Variants in MARCHF1 observed in about 807,000 individuals in gnomAD.
MARCHF1 encodes the protein membrane associated ring-CH-type finger 1.
Under a neutral mutation model 54.2 loss-of-function variants are expected in MARCHF1, and 40 were observed. That is an observed-to-expected ratio of 0.74 (90% CI 0.57 to 0.96). The LOEUF (loss-of-function observed/expected upper bound fraction) is 0.96, where lower values mean the gene tolerates loss of function less well. MARCHF1 is among the 40% of genes least tolerant of loss of function. MARCHF1 has a pLI of 0.00. For missense variants in MARCHF1, 586 were observed against 656.5 expected (o/e 0.89, Z 1.17); for synonymous variants, 236 against 236.3 (o/e 1.00, Z 0.01).
At chr4:164,062,739 G>T (rs1235651762) in intron 2 of MARCHF1, among the ~76,000 whole-genome samples, 1 of 152,114 alleles carries the variant, frequency 6.6e-6, no homozygotes, top group Non-Finnish European at 1.5e-5. Flanking sequence ...AGCCAGGCTA[G>T]TCTCCAACTT....
At chr4:164,274,676 T>C (rs1474119909) in intron 1 of MARCHF1, among the ~76,000 whole-genome samples, 18 of 123,050 alleles carry the variant, frequency 1.5e-4, no homozygotes, top group African/African-American at 4.4e-4. Context: ...TTTTTTTTTT[T>C]TTTTTTTTTT....
chr4:163,613,799 C>A (rs1741429134), intron 5 of MARCHF1, among the ~76,000 whole-genome samples: 1 of 152,064 alleles, frequency 6.6e-6, no homozygotes, highest in South Asian at 2.1e-4. Context: ...AATCAAACAG[C>A]CATTAGGTTG....
intron 2 of MARCHF1, among the ~76,000 whole-genome samples, chr4:164,019,752 C>A (rs937407859): frequency 6.6e-6 from 1 of 152,152 alleles, no homozygotes; most frequent in African/African-American, 2.4e-5. Context: ...ATTCATGTCA[C>A]AGGTGGAGAT....
At position 164,122,529 on chromosome 4, in the gene MARCHF1, G is replaced by T. The variant is rs577111186; in HGVS notation, c.-322-10867C>A. On this transcript the variant is annotated intron_variant, in intron 1 of 9. Transcript: ENST00000514618. ...GGAGGCCAGCCTTCCCGCATGCTATGTAAACATCATACCTGATAGAACCAA... is the reference window on the plus strand; with the variant it reads ...GGAGGCCAGCCTTCCCGCATGCTATTTAAACATCATACCTGATAGAACCAA... 2.6e-5 allele frequency among the ~76,000 whole-genome samples: 4 copies of T among 152,136 alleles called. No homozygotes were observed. In the South Asian group the frequency reaches 6.2e-4, roughly 24 times the overall value.
intron 1 of MARCHF1, among the ~76,000 whole-genome samples, chr4:164,196,163 G>A (rs1326842625): frequency 6.6e-6 from 1 of 152,096 alleles, no homozygotes; most frequent in East Asian, 1.9e-4. Context: ...AATGTACAAT[G>A]ATAGTTATTT....
chr4:164,096,364 T>A (rs574289998), intron 2 of MARCHF1, among the ~76,000 whole-genome samples: 3 of 152,134 alleles, frequency 2.0e-5, no homozygotes, highest in Admixed American at 1.3e-4. Flanking sequence ...AAGCTAAATC[T>A]TGGGTTCCTG....
At chr4:163,573,295 CTT>C (rs1307867516) in intron 8 of MARCHF1, among the ~76,000 whole-genome samples, 3 of 144,326 alleles carry the variant, frequency 2.1e-5, no homozygotes, top group Admixed American at 1.4e-4. Context: ...TGCTTTTTCT[CTT>C]ATTATTATTA....
chr4:163,676,884 G>A (rs1743937310), intron 5 of MARCHF1, among the ~76,000 whole-genome samples: 1 of 151,714 alleles, frequency 6.6e-6, no homozygotes. Flanking sequence ...ACTCAGATTG[G>A]ATTAAAAAAG....
chr4:163,764,864 T>C (rs115082794), intron 4 of MARCHF1, among the ~76,000 whole-genome samples: 536 of 152,230 alleles, frequency 3.5e-3, no homozygotes, highest in Admixed American at 8.0e-3. Context: ...GCCAATAGTT[T>C]AACCTTGAAT....
chr4:163,898,488 A>G (rs1436524564), intron 3 of MARCHF1, among the ~76,000 whole-genome samples: 1 of 152,232 alleles, frequency 6.6e-6, no homozygotes, highest in East Asian at 1.9e-4. Context: ...ACGAGATGTT[A>G]TCTTATACCA....
chr4:163,621,825 T>TG (rs905418732), intron 5 of MARCHF1, among the ~76,000 whole-genome samples: 1 of 152,000 alleles, frequency 6.6e-6, no homozygotes, highest in African/African-American at 2.4e-5. Flanking sequence ...GCAGAGGGTG[T>TG]GGGGGTAGAG....
intron 1 of MARCHF1, among the ~76,000 whole-genome samples, chr4:164,181,203 G>T (rs951127302): frequency 6.6e-6 from 1 of 151,986 alleles, no homozygotes; most frequent in Non-Finnish European, 1.5e-5. Flanking sequence ...GTGTGAACAC[G>T]TCCTCTGCCT....
chr4:163,724,938 C>T (rs974897920), intron 4 of MARCHF1, among the ~76,000 whole-genome samples: 12 of 152,150 alleles, frequency 7.9e-5, no homozygotes, highest in African/African-American at 2.9e-4. Flanking sequence ...AGGGAATTCC[C>T]TGACCCCTTG....
At chr4:164,248,056 T>C (rs1256164500) in intron 1 of MARCHF1, among the ~76,000 whole-genome samples, 4 of 151,870 alleles carry the variant, frequency 2.6e-5, no homozygotes, top group South Asian at 2.1e-4. Context: ...TTAAAGATTA[T>C]AAAATTGAAG....
chr4:163,893,064 A>ATT (rs781043843), intron 3 of MARCHF1, among the ~76,000 whole-genome samples: 57 of 145,412 alleles, frequency 3.9e-4, no homozygotes, highest in African/African-American at 1.4e-3. Context: ...CCCCAGAAGG[A>ATT]TTTTTTTTTT....
At chr4:163,986,291 G>A (rs1159764737) in intron 3 of MARCHF1, among the ~76,000 whole-genome samples, 1 of 29,868 alleles carries the variant, frequency 3.3e-5, no homozygotes, top group African/African-American at 8.2e-5. Context: ...GAGATGGAGT[G>A]TCTCGCTCTG....
At chr4:164,308,400 T>C (rs1428992278) in intron 1 of MARCHF1, among the ~76,000 whole-genome samples, 4 of 152,166 alleles carry the variant, frequency 2.6e-5, no homozygotes, top group African/African-American at 4.8e-5. Context: ...AATAATCATA[T>C]TGTTGTTGGG....
intron 1 of MARCHF1, among the ~76,000 whole-genome samples, chr4:164,170,793 T>G (rs972295070): frequency 5.3e-5 from 8 of 152,126 alleles, no homozygotes; most frequent in Admixed American, 5.2e-4. Context: ...AAAAAATTTA[T>G]TCAAAACTAA....
intron 2 of MARCHF1, among the ~76,000 whole-genome samples, chr4:164,070,739 A>T (rs1476673185): frequency 6.6e-6 from 1 of 152,224 alleles, no homozygotes; most frequent in Non-Finnish European, 1.5e-5. Context: ...AGGCAGGCAG[A>T]GTTACGCAGT....
Sources: gnomAD v4.1 joint callset for allele counts (sites outside exome capture counted in the v4.1 genomes callset) on GRCh38, gnomAD v4.1.1 for gene constraint, MANE v1.5 for transcripts, NCBI Gene and HGNC (gene_info 2026-07-23, HGNC 2026-07-21) for gene names.